CDH12: variants seen among roughly 807,000 people sequenced by gnomAD.
CDH12 encodes the protein cadherin 12, also known as cadherin-12.
A neutral mutation model predicts 74.1 loss-of-function variants in CDH12; 41 were observed. The observed-to-expected ratio is 0.55, with a 90% CI of 0.43 to 0.72. CDH12 has a LOEUF of 0.72. Among genes scored for constraint, CDH12 ranks in the 30% least tolerant of loss-of-function variants. The pLI, the probability that CDH12 is intolerant of heterozygous loss-of-function variation, is 0.00. For synonymous variants in CDH12, 399 were observed against 355.0 expected (o/e 1.12, Z -1.39); for missense variants, 945 against 977.2 (o/e 0.97, Z 0.44).
At chr5:22,102,078 G>T (rs544607819) in intron 4 of CDH12, among the ~76,000 whole-genome samples, 18 of 152,290 alleles carry the variant, frequency 1.2e-4, no homozygotes, top group African/African-American at 4.3e-4. Context: ...TTAGAGAGGT[G>T]AAGTGAAAAT....
intron 1 of CDH12, among the ~76,000 whole-genome samples, chr5:22,725,923 C>T (rs1744142199): frequency 6.6e-6 from 1 of 151,532 alleles, no homozygotes; most frequent in Non-Finnish European, 1.5e-5. Context: ...TTTAAATGAA[C>T]ATTATTTTTC....
At chr5:22,803,460 T>A (rs1306604516) in intron 1 of CDH12, among the ~76,000 whole-genome samples, 1 of 152,058 alleles carries the variant, frequency 6.6e-6, no homozygotes, top group Admixed American at 6.6e-5. Flanking sequence ...GAAATAAAAA[T>A]ACCATTATCC....
At chr5:21,988,267 G>A (rs1208664471) in intron 5 of CDH12, among the ~76,000 whole-genome samples, 2 of 151,900 alleles carry the variant, frequency 1.3e-5, no homozygotes, top group African/African-American at 2.4e-5. Flanking sequence ...TGAGGTGGGC[G>A]GATCACTTGA....
intron 6 of CDH12, among the ~76,000 whole-genome samples, chr5:21,908,232 G>A (rs894357897): frequency 6.6e-6 from 1 of 152,200 alleles, no homozygotes; most frequent in African/African-American, 2.4e-5. Context: ...TGGGAATTTG[G>A]AGAGAAACTG....
At chr5:21,993,914 C>G (rs576538546) in intron 5 of CDH12, among the ~76,000 whole-genome samples, 31 of 152,022 alleles carry the variant, frequency 2.0e-4, no homozygotes, top group African/African-American at 7.2e-4. Flanking sequence ...GAAATCATGC[C>G]TTAAGAGTAA....
chr5:22,692,578 T>TTCTTTTAAAGTTCAA (rs1261310131), intron 1 of CDH12, among the ~76,000 whole-genome samples: 5 of 152,128 alleles, frequency 3.3e-5, no homozygotes, highest in Non-Finnish European at 7.4e-5. Context: ...GTTCAATTAG[T>TTCTTTTAAAGTTCAA]TTAGTTCTTC....
chr5:22,102,165 A>G (rs889796633), intron 4 of CDH12, among the ~76,000 whole-genome samples: 1 of 152,064 alleles, frequency 6.6e-6, no homozygotes, highest in Non-Finnish European at 1.5e-5. Flanking sequence ...TGTTTGTTTA[A>G]TTTTTTCCCC....
intron 3 of CDH12, among the ~76,000 whole-genome samples, chr5:22,230,196 A>C (rs375024296): frequency 9.2e-5 from 14 of 152,176 alleles, no homozygotes; most frequent in African/African-American, 3.4e-4. Flanking sequence ...CAAAAAAAGA[A>C]AAATTGAAAG....
chr5:22,063,225 T>G (rs535788353), intron 5 of CDH12, among the ~76,000 whole-genome samples: 1 of 152,118 alleles, frequency 6.6e-6, no homozygotes, highest in Non-Finnish European at 1.5e-5. Context: ...ACATTATACA[T>G]ATAATTTTAA....
At chr5:22,458,310 C>T (rs1304826733) in intron 2 of CDH12, among the ~76,000 whole-genome samples, 1 of 152,144 alleles carries the variant, frequency 6.6e-6, no homozygotes, top group Non-Finnish European at 1.5e-5. Context: ...CTGTCCTCTC[C>T]TCTTCCTAGG....
Position 22,190,417 on chromosome 5 carries a change from T to A in CDH12, c.-187+22081A>T, listed in dbSNP as rs567672299. ...CTATCTATCTATCCTCTATCCATCT[T>A]TTTTTCCCAAAGACTTCCACTTTGG... On this transcript the variant is annotated intron_variant, in intron 4 of 14. Coordinates refer to ENST00000382254, the MANE Select transcript of CDH12 (RefSeq NM_004061.5). Among the ~76,000 whole-genome samples, 22 of 151,846 alleles carry A rather than the reference T, an allele frequency of 1.4e-4. No individual in the cohort carries two copies. The East Asian group carries it at 4.3e-3, about 30-fold the overall frequency.
At chr5:22,428,266 A>G (rs550710659) in intron 2 of CDH12, among the ~76,000 whole-genome samples, 1 of 152,150 alleles carries the variant, frequency 6.6e-6, no homozygotes, top group African/African-American at 2.4e-5. Flanking sequence ...ATATGTATAT[A>G]TAGATATCAT....
intron 1 of CDH12, among the ~76,000 whole-genome samples, chr5:22,516,422 TAAG>T (rs1024117038): frequency 4.6e-5 from 7 of 152,164 alleles, no homozygotes; most frequent in Non-Finnish European, 8.8e-5. Context: ...TCATTTTTAT[TAAG>T]AAGCTAATTG....
intron 5 of CDH12, among the ~76,000 whole-genome samples, chr5:22,015,705 T>C (rs991998566): frequency 1.3e-5 from 2 of 152,186 alleles, no homozygotes; most frequent in Non-Finnish European, 2.9e-5. Flanking sequence ...AGCGTAATTT[T>C]GCATATATTC....
At chr5:22,715,504 C>G (rs1443741009) in intron 1 of CDH12, among the ~76,000 whole-genome samples, 1 of 152,110 alleles carries the variant, frequency 6.6e-6, no homozygotes, top group South Asian at 2.1e-4. Context: ...GTGATGAGTA[C>G]CTGTCTCAGG....
At chr5:22,435,184 T>C (rs558917045) in intron 2 of CDH12, among the ~76,000 whole-genome samples, 1 of 152,188 alleles carries the variant, frequency 6.6e-6, no homozygotes, top group African/African-American at 2.4e-5. Flanking sequence ...GGCCAGAATA[T>C]AAAGAGGGCA....
chr5:21,968,803 AG>A, intron 6 of CDH12, among the ~76,000 whole-genome samples: 1 of 152,276 alleles, frequency 6.6e-6, no homozygotes, highest in South Asian at 2.1e-4. Context: ...CGCCACAAAA[AG>A]GAAATGAGAT....
intron 3 of CDH12, among the ~76,000 whole-genome samples, chr5:22,327,645 A>ATTATT (rs1400527870): frequency 6.6e-6 from 1 of 152,148 alleles, no homozygotes; most frequent in Non-Finnish European, 1.5e-5. Flanking sequence ...ATAAATAGAC[A>ATTATT]TTATTACTTT....
chr5:21,995,659 A>G (rs1175586285), intron 5 of CDH12, among the ~76,000 whole-genome samples: 1 of 151,640 alleles, frequency 6.6e-6, no homozygotes, highest in African/African-American at 2.4e-5. Flanking sequence ...AGGAAGTATC[A>G]CCGTAATTCA....
Sources: allele counts gnomAD v4.1 joint callset (sites outside exome capture counted in the v4.1 genomes callset), GRCh38; gene constraint gnomAD v4.1.1; transcripts MANE v1.5; gene names NCBI Gene and HGNC (gene_info 2026-07-23, HGNC 2026-07-21).